The following MLLT10 variants were observed in gnomAD, a reference collection of about 807,000 sequenced individuals.
The protein encoded by MLLT10 is MLLT10 histone lysine methyltransferase DOT1L cofactor.
Under a neutral mutation model 129.1 loss-of-function variants are expected in MLLT10, and 30 were observed. The observed-to-expected ratio is 0.23, with a 90% CI of 0.17 to 0.32. The LOEUF (loss-of-function observed/expected upper bound fraction) is 0.32. Ranked by LOEUF, MLLT10 falls within the 10% of genes least tolerant of loss-of-function variation. The pLI, the probability that MLLT10 is intolerant of heterozygous loss-of-function variation, is 1.00. For synonymous variants in MLLT10, 490 were observed against 446.4 expected (o/e 1.10, Z -1.23); for missense variants, 1,119 against 1,268.3 (o/e 0.88, Z 1.79).
chr10:21,729,329 A>G (rs1564734767), intron 16 of MLLT10, among the ~76,000 whole-genome samples: 1 of 152,210 alleles, frequency 6.6e-6, no homozygotes, highest in Admixed American at 6.5e-5. Context: ...TTTGCTTAAT[A>G]TAGTTTTTCC....
At chr10:21,674,270 G>T (rs2051825137) in intron 11 of MLLT10, among the ~76,000 whole-genome samples, 2 of 151,420 alleles carry the variant, frequency 1.3e-5, no homozygotes, top group African/African-American at 4.9e-5. Flanking sequence ...TTATATTTAG[G>T]GTGTGAGAGT....
intron 3 of MLLT10, among the ~76,000 whole-genome samples, chr10:21,560,248 GC>G (rs766139186): frequency 2.0e-5 from 3 of 152,116 alleles, no homozygotes; most frequent in Non-Finnish European, 4.4e-5. Flanking sequence ...CAGGTGATCT[GC>G]CCGGGCTGGG....
In MLLT10 at chr10:21,670,491, A is replaced by G; in HGVS notation, c.838A>G (p.Lys280Glu). Residue 280 changes from lysine (K) to glutamate (E), a missense_variant, in exon 10 of 23, where the codon AAG (lysine) becomes GAG (glutamate). This residue lies in a region of MLLT10 where 1,004 missense variants were observed against 1,008.7 expected (regional missense o/e 1.00). Coordinates refer to ENST00000307729, the MANE Select transcript of MLLT10 (RefSeq NM_001195626.3). ...TSNNSISGSL[K>E]RLEDTTARFT... Reference sequence around the variant, plus strand: ...CAACAACTCTATATCTGGATCATTGAAGCGCTTGGAAGATACTACTGCACG... The same window carrying G: ...CAACAACTCTATATCTGGATCATTGGAGCGCTTGGAAGATACTACTGCACG... 1 of 1,614,106 alleles carries G rather than the reference A, an allele frequency of 6.2e-7. No individual in the cohort carries two copies. The highest frequency in any genetic ancestry group is 8.5e-7 in the Non-Finnish European group (1 of 1,179,990).
intron 21 of MLLT10, among the ~76,000 whole-genome samples, chr10:21,737,637 A>G (rs1211454445): frequency 6.6e-6 from 1 of 152,124 alleles, no homozygotes. Context: ...CGGTTAGATA[A>G]GAGGGGAGAT....
chr10:21,692,001 C>CAAAAA (rs929971187), intron 13 of MLLT10, among the ~76,000 whole-genome samples: 8 of 50,098 alleles, frequency 1.6e-4, no homozygotes, highest in Non-Finnish European at 1.8e-4. Flanking sequence ...CTCATATCTA[C>CAAAAA]AAAAAAAAAA....
At chr10:21,563,205 T>C (rs1264972721) in intron 3 of MLLT10, among the ~76,000 whole-genome samples, 1 of 152,096 alleles carries the variant, frequency 6.6e-6, no homozygotes. Context: ...CTCAAGGATG[T>C]TATATAAATG....
intron 14 of MLLT10, among the ~76,000 whole-genome samples, chr10:21,716,627 G>T (rs2056580819): frequency 2.0e-5 from 3 of 151,658 alleles, no homozygotes. Context: ...ATGGGAAGTG[G>T]AGGCTGTAGT....
chr10:21,554,383 A>G (rs1468102890), intron 3 of MLLT10, among the ~76,000 whole-genome samples: 1 of 151,980 alleles, frequency 6.6e-6, no homozygotes, highest in Non-Finnish European at 1.5e-5. Context: ...CTGACCTTGA[A>G]AGTGATTCTC....
At chr10:21,737,122 G>A (rs2058433594) in intron 21 of MLLT10, among the ~76,000 whole-genome samples, 1 of 152,348 alleles carries the variant, frequency 6.6e-6, no homozygotes, top group East Asian at 1.9e-4. Flanking sequence ...CAGTTAATTG[G>A]GAGGCTGAGG....
chr10:21,593,917 C>T (rs2042751355), intron 4 of MLLT10, among the ~76,000 whole-genome samples: 1 of 84,328 alleles, frequency 1.2e-5, no homozygotes, highest in South Asian at 4.2e-4. Context: ...CAGACCAAGG[C>T]TTTGTCTTTA....
At chr10:21,635,834 C>G (rs371027683) in intron 8 of MLLT10, among the ~76,000 whole-genome samples, 2 of 151,216 alleles carry the variant, frequency 1.3e-5, no homozygotes, top group East Asian at 3.9e-4. Context: ...TCAAGAGATT[C>G]ACCAGCCTCA....
At position 21,643,870 on chromosome 10, in the gene MLLT10, C is replaced by T. The variant is rs114773062; in HGVS notation, c.700-7803C>T. On this transcript the variant is annotated intron_variant, in intron 8 of 22. Transcript: ENST00000307729. ...TTGAATTCTCTGCTTCAGGGATACA[C>T]GTTATCTTATGTTTGATTATCTCTG... Among the ~76,000 whole-genome samples, 1,136 of 152,232 alleles carry T rather than the reference C, an allele frequency of 7.5e-3. 13 individuals carry two copies. The highest frequency in any genetic ancestry group is 0.025 in the African/African-American group (1,052 of 41,518).
At chr10:21,694,030 C>T (rs2054132038) in intron 13 of MLLT10, among the ~76,000 whole-genome samples, 1 of 152,178 alleles carries the variant, frequency 6.6e-6, no homozygotes, top group South Asian at 2.1e-4. Context: ...TCTTTTCCCA[C>T]ATCCGAAAAT....
At chr10:21,621,969 A>G (rs1322002176) in intron 8 of MLLT10, among the ~76,000 whole-genome samples, 1 of 152,124 alleles carries the variant, frequency 6.6e-6, no homozygotes, top group African/African-American at 2.4e-5. Context: ...ACAACTTCAT[A>G]TGGTTTTAGG....
intron 9 of MLLT10, among the ~76,000 whole-genome samples, chr10:21,653,385 G>A (rs2049247016): frequency 6.6e-6 from 1 of 152,170 alleles, no homozygotes; most frequent in African/African-American, 2.4e-5. Flanking sequence ...GTGGGGATCA[G>A]CCCTTGGCTT....
At chr10:21,683,246 A>T (rs909797084) in intron 13 of MLLT10, among the ~76,000 whole-genome samples, 4 of 152,100 alleles carry the variant, frequency 2.6e-5, no homozygotes, top group African/African-American at 9.6e-5. Context: ...GTTATTTTTT[A>T]TTAATTAGTA....
intron 9 of MLLT10, among the ~76,000 whole-genome samples, chr10:21,663,844 G>A (rs1342921254): frequency 2.0e-5 from 3 of 152,118 alleles, no homozygotes; most frequent in Admixed American, 2.0e-4. Context: ...GGAATTACAG[G>A]TATGACCCCC....
At chr10:21,594,470 T>A (rs1176158230) in intron 4 of MLLT10, among the ~76,000 whole-genome samples, 1 of 150,276 alleles carries the variant, frequency 6.7e-6, no homozygotes, top group Non-Finnish European at 1.5e-5. Flanking sequence ...AGAGAATTGC[T>A]TGAACCCAGG....
intron 2 of MLLT10, among the ~76,000 whole-genome samples, chr10:21,537,018 C>A (rs980722518): frequency 6.6e-5 from 10 of 151,830 alleles, no homozygotes; most frequent in African/African-American, 2.2e-4. Flanking sequence ...AACCCCTGAC[C>A]CCAGGGTGAT....
Sources: gnomAD v4.1 joint callset for allele counts (sites outside exome capture counted in the v4.1 genomes callset) on GRCh38, gnomAD v4.1.1 for gene constraint, gnomAD v4.1.1 regional missense constraint, MANE v1.5 for transcripts, NCBI Gene and HGNC (gene_info 2026-07-23, HGNC 2026-07-21) for gene names.